The following LMX1A variants were observed in gnomAD, a reference collection of about 807,000 sequenced individuals.
LMX1A encodes LIM homeobox transcription factor 1-alpha.
Under a neutral mutation model 49.1 loss-of-function variants are expected in LMX1A, and 15 were observed. The ratio of observed to expected loss-of-function variants is 0.31; its 90% CI spans 0.20 to 0.47. LMX1A has a LOEUF of 0.47. Ranked by LOEUF, LMX1A falls within the 20% of genes least tolerant of loss-of-function variation. The probability of loss-of-function intolerance (pLI) is 1.00; values close to 1 mark genes in which losing one functional copy is unlikely to be tolerated. For missense variants in LMX1A, 372 were observed against 475.8 expected, an observed-to-expected ratio of 0.78 and a Z score of 2.03; for synonymous variants, 167 against 185.7, an observed-to-expected ratio of 0.90 and a Z score of 0.82.
intron 3 of LMX1A, among the ~76,000 whole-genome samples, chr1:165,326,934 C>T (rs1655602275): frequency 6.6e-6 from 1 of 152,186 alleles, no homozygotes; most frequent in African/African-American, 2.4e-5. Context: ...GGGCAGCCCC[C>T]TCACCCCCAG....
At chr1:165,352,162 G>A (rs944990823) in intron 3 of LMX1A, among the ~76,000 whole-genome samples, 1 of 152,186 alleles carries the variant, frequency 6.6e-6, no homozygotes, top group Non-Finnish European at 1.5e-5. Flanking sequence ...AGCTCCTCCC[G>A]GCACGCCCGG....
intron 3 of LMX1A, among the ~76,000 whole-genome samples, chr1:165,297,019 G>A (rs1654639660): frequency 6.6e-6 from 1 of 152,238 alleles, no homozygotes; most frequent in South Asian, 2.1e-4. Flanking sequence ...TGCAATCACA[G>A]TTCATTTTCT....
intron 3 of LMX1A, among the ~76,000 whole-genome samples, chr1:165,352,719 G>A (rs1264777522): frequency 2.6e-5 from 4 of 152,232 alleles, no homozygotes; most frequent in Admixed American, 6.5e-5. Flanking sequence ...AGGGCACCCC[G>A]GTAAAAGAGG....
intron 5 of LMX1A, chr1:165,213,220 A>G (rs1452274713): frequency 6.2e-6 from 1 of 162,224 alleles, no homozygotes; most frequent in Non-Finnish European, 1.3e-5. Flanking sequence ...ATACAGTGGA[A>G]TGCTGAAATA....
At chr1:165,247,880 G>C (rs1652914704) in intron 4 of LMX1A, among the ~76,000 whole-genome samples, 1 of 152,190 alleles carries the variant, frequency 6.6e-6, no homozygotes, top group Non-Finnish European at 1.5e-5. Context: ...CACCCCACTT[G>C]TCTGTCTCCA....
chr1:165,337,700 C>T (rs35664932), intron 3 of LMX1A, among the ~76,000 whole-genome samples: 11,140 of 152,178 alleles, frequency 0.073, 592 homozygotes, highest in South Asian at 0.19. Context: ...TGGTTATCGC[C>T]GTTATTTACC....
At chr1:165,338,075 C>T (rs1291508242) in intron 3 of LMX1A, among the ~76,000 whole-genome samples, 6 of 152,100 alleles carry the variant, frequency 3.9e-5, no homozygotes, top group African/African-American at 1.2e-4. Context: ...ATCCTAAGAA[C>T]GAATAAGTAC....
intron 3 of LMX1A, among the ~76,000 whole-genome samples, chr1:165,305,487 T>C (rs1557879038): frequency 6.6e-6 from 1 of 152,006 alleles, no homozygotes; most frequent in African/African-American, 2.4e-5. Flanking sequence ...AGGCCAAATA[T>C]CACATTTTAA....
At chr1:165,338,848 G>T (rs372179727) in intron 3 of LMX1A, among the ~76,000 whole-genome samples, 29 of 152,310 alleles carry the variant, frequency 1.9e-4, no homozygotes, top group African/African-American at 7.0e-4. Flanking sequence ...CAGAGGTCTG[G>T]CCCCTTATGA....
intron 3 of LMX1A, among the ~76,000 whole-genome samples, chr1:165,322,646 A>G (rs1315426656): frequency 1.3e-5 from 2 of 152,108 alleles, no homozygotes; most frequent in Non-Finnish European, 2.9e-5. Context: ...AAGATAGAAA[A>G]CCAAGTAGGG....
At chr1:165,230,906 A>C (rs1473396282) in intron 4 of LMX1A, among the ~76,000 whole-genome samples, 1 of 152,194 alleles carries the variant, frequency 6.6e-6, no homozygotes, top group African/African-American at 2.4e-5. Context: ...CCTGCTGAGC[A>C]GACTGGAGAA....
chr1:165,293,823 G>C (rs1448324872), intron 3 of LMX1A, among the ~76,000 whole-genome samples: 1 of 152,022 alleles, frequency 6.6e-6, no homozygotes, highest in Non-Finnish European at 1.5e-5. Context: ...CCATTCAAGA[G>C]GGCTCAGGCC....
intron 3 of LMX1A, among the ~76,000 whole-genome samples, chr1:165,315,571 T>C (rs1655194155): frequency 6.6e-6 from 1 of 152,224 alleles, no homozygotes; most frequent in South Asian, 2.1e-4. Context: ...TCATGTTGTA[T>C]TTGGTCCGTA....
chr1:165,252,376 G>GA (rs1418871619), intron 3 of LMX1A, among the ~76,000 whole-genome samples: 4 of 152,250 alleles, frequency 2.6e-5, no homozygotes, highest in Middle Eastern at 3.4e-3. Flanking sequence ...GGCAACCTAT[G>GA]AAAAAACTAA....
intron 3 of LMX1A, among the ~76,000 whole-genome samples, chr1:165,336,205 G>A (rs1249685474): frequency 6.6e-6 from 1 of 152,100 alleles, no homozygotes; most frequent in South Asian, 2.1e-4. Flanking sequence ...GGGTGGGGTG[G>A]GGTTTGGGGT....
intron 4 of LMX1A, among the ~76,000 whole-genome samples, chr1:165,232,540 C>T (rs909562728): frequency 6.6e-6 from 1 of 152,100 alleles, no homozygotes; most frequent in Non-Finnish European, 1.5e-5. Context: ...CTTCTGGCAT[C>T]ATTACCTGGT....
intron 4 of LMX1A, among the ~76,000 whole-genome samples, chr1:165,236,894 G>A (rs575759423): frequency 1.3e-5 from 2 of 150,730 alleles, no homozygotes; most frequent in Non-Finnish European, 2.9e-5. Context: ...AAGTCTTATA[G>A]GGTAAATACT....
chr1:165,353,839 G>A (rs1656508696), intron 2 of LMX1A, among the ~76,000 whole-genome samples: 1 of 152,144 alleles, frequency 6.6e-6, no homozygotes, highest in South Asian at 2.1e-4. Flanking sequence ...AAACTGCTGC[G>A]TCTTGACTGG....
In LMX1A at chr1:165,355,164, C is replaced by G. The variant is rs553152888; in HGVS notation, c.76+320G>C. Among the ~76,000 whole-genome samples, 1 of 152,210 alleles carries G rather than the reference C, an allele frequency of 6.6e-6. No homozygotes were observed. Among genetic ancestry groups the G allele is most frequent in the East Asian group, 1.9e-4 (1 of 5,164 alleles). Reference sequence around the variant, plus strand: ...GAAGAGGGCGGCATTTATGAGACGTCGATCAGCTCCGAGATTAAAAATCCA... The same window carrying G: ...GAAGAGGGCGGCATTTATGAGACGTGGATCAGCTCCGAGATTAAAAATCCA... On this transcript the variant is annotated intron_variant, in intron 2 of 8. Coordinates refer to ENST00000342310, the MANE Select transcript of LMX1A (RefSeq NM_177398.4). This position sits in a 1 kb window ranked among gnomAD's most constrained non-coding sequence, Gnocchi z 4.7.
Sources: allele counts gnomAD v4.1 joint callset (sites outside exome capture counted in the v4.1 genomes callset), GRCh38; gene constraint gnomAD v4.1.1; non-coding constraint Gnocchi (gnomAD v3.1); transcripts MANE v1.5; gene names NCBI Gene and HGNC (gene_info 2026-07-23, HGNC 2026-07-21).